The following L3MBTL4 variants were observed in gnomAD, a reference collection of about 807,000 sequenced individuals.
The protein encoded by L3MBTL4 is lethal(3)malignant brain tumor-like protein 4.
L3MBTL4 carries 70 observed loss-of-function variants against 84.5 expected under a neutral mutation model. The ratio of observed to expected loss-of-function variants is 0.83; its 90% CI spans 0.68 to 1.01. The LOEUF (loss-of-function observed/expected upper bound fraction) is 1.01, where lower values mean the gene tolerates loss of function less well. Ranked by LOEUF, L3MBTL4 falls within the 50% of genes least tolerant of loss-of-function variation. L3MBTL4 has a pLI of 0.00. For missense variants in L3MBTL4, 715 were observed against 754.8 expected (o/e 0.95, Z 0.62); for synonymous variants, 274 against 259.8 (o/e 1.05, Z -0.52).
At chr18:6,372,327 T>C (rs2054189646) in intron 1 of L3MBTL4, among the ~76,000 whole-genome samples, 1 of 152,216 alleles carries the variant, frequency 6.6e-6, no homozygotes, top group African/African-American at 2.4e-5. Context: ...GACATAAATA[T>C]GCCGATGCTG....
chr18:6,070,452 A>G (rs1275298341), intron 16 of L3MBTL4, among the ~76,000 whole-genome samples: 1 of 152,016 alleles, frequency 6.6e-6, no homozygotes, highest in Non-Finnish European at 1.5e-5. Flanking sequence ...ATAACCTGTA[A>G]AAATATTCTT....
At chr18:6,015,149 G>A (rs570887764) in intron 16 of L3MBTL4, among the ~76,000 whole-genome samples, 1 of 152,158 alleles carries the variant, frequency 6.6e-6, no homozygotes, top group African/African-American at 2.4e-5. Flanking sequence ...TGAAGACACA[G>A]GTAGATTTCA....
chr18:6,172,015 A>G, intron 12 of L3MBTL4, 73 bp from the exon 13 acceptor site: 1 of 683,958 alleles, frequency 1.5e-6, no homozygotes, highest in Non-Finnish European at 2.5e-6. Flanking sequence ...AAATATTTGA[A>G]TACAGATGTC....
In L3MBTL4 at chr18:6,327,022, G is replaced by A. The variant is rs190958310; in HGVS notation, c.-90-14966C>T. Among the ~76,000 whole-genome samples, 59 of 152,226 alleles carry A rather than the reference G, an allele frequency of 3.9e-4. 1 individual carries two copies. The East Asian group carries it at 7.9e-3, about 20-fold the overall frequency. On this transcript the variant is annotated intron_variant, in intron 1 of 18. Coordinates refer to ENST00000317931, the MANE Select transcript of L3MBTL4 (RefSeq NM_001330559.2). Reference sequence around the variant, plus strand: ...AGAAAAAGGAAAAATAATAAACACAGGAAAAGAAACGCACTATTACTAGAA... The same window carrying A: ...AGAAAAAGGAAAAATAATAAACACAAGAAAAGAAACGCACTATTACTAGAA...
chr18:6,317,937 G>C (rs946939278), intron 1 of L3MBTL4, among the ~76,000 whole-genome samples: 1 of 152,096 alleles, frequency 6.6e-6, no homozygotes, highest in Admixed American at 6.5e-5. Context: ...AGAAGGAATT[G>C]GGATTTTATT....
chr18:6,271,058 A>G (rs964585949), intron 4 of L3MBTL4, among the ~76,000 whole-genome samples: 4 of 152,114 alleles, frequency 2.6e-5, no homozygotes, highest in Admixed American at 2.6e-4. Flanking sequence ...GCATGAGGGG[A>G]ACGGTGAAAT....
chr18:6,200,810 A>G (rs1308532845), intron 12 of L3MBTL4, among the ~76,000 whole-genome samples: 1 of 152,236 alleles, frequency 6.6e-6, no homozygotes, highest in Non-Finnish European at 1.5e-5. Context: ...CAATGAATTC[A>G]ATTTTCTATG....
At chr18:6,033,593 C>T (rs1194814232) in intron 16 of L3MBTL4, among the ~76,000 whole-genome samples, 3 of 152,168 alleles carry the variant, frequency 2.0e-5, no homozygotes, top group African/African-American at 7.2e-5. Context: ...GATTACATTT[C>T]TTGTAATTAC....
intron 13 of L3MBTL4, among the ~76,000 whole-genome samples, chr18:6,142,236 C>T (rs1220936441): frequency 6.6e-6 from 1 of 152,174 alleles, no homozygotes; most frequent in Non-Finnish European, 1.5e-5. Flanking sequence ...ACTGTGTCAC[C>T]AGTATCTAGC....
At chr18:6,069,095 T>C (rs750880183) in intron 16 of L3MBTL4, among the ~76,000 whole-genome samples, 5 of 152,206 alleles carry the variant, frequency 3.3e-5, no homozygotes, top group Non-Finnish European at 5.9e-5. Context: ...ACCAGCACCA[T>C]CTTTGATGGA....
intron 14 of L3MBTL4, among the ~76,000 whole-genome samples, chr18:6,124,839 A>T (rs9956439): frequency 0.016 from 2,398 of 152,280 alleles, 70 homozygotes; most frequent in African/African-American, 0.055. Flanking sequence ...GATTGAAAAA[A>T]TTGTTTGTGT....
chr18:6,296,470 T>C (rs758557196), intron 4 of L3MBTL4, among the ~76,000 whole-genome samples: 11 of 152,222 alleles, frequency 7.2e-5, no homozygotes, highest in African/African-American at 2.7e-4. Flanking sequence ...TGCCCTAGGA[T>C]ATGCTGAGAA....
At chr18:6,370,004 C>T (rs756738347) in intron 1 of L3MBTL4, among the ~76,000 whole-genome samples, 5 of 151,860 alleles carry the variant, frequency 3.3e-5, no homozygotes, top group Non-Finnish European at 4.4e-5. Context: ...CATGGTGGCA[C>T]GTGCCTGTAG....
At chr18:6,288,884 A>G (rs2049715887) in intron 4 of L3MBTL4, among the ~76,000 whole-genome samples, 1 of 151,672 alleles carries the variant, frequency 6.6e-6, no homozygotes, top group Non-Finnish European at 1.5e-5. Context: ...TAAATAATAA[A>G]TCATTAAGTT....
At chr18:6,188,154 G>T (rs928605552) in intron 12 of L3MBTL4, among the ~76,000 whole-genome samples, 7 of 151,966 alleles carry the variant, frequency 4.6e-5, no homozygotes, top group Non-Finnish European at 1.5e-5. Flanking sequence ...AATCTGAAAT[G>T]AGAAACTATT....
At chr18:6,252,425 A>C (rs1456639026) in intron 5 of L3MBTL4, among the ~76,000 whole-genome samples, 1 of 129,268 alleles carries the variant, frequency 7.7e-6, no homozygotes, top group Non-Finnish European at 1.5e-5. Context: ...ATTTTTTATC[A>C]AAAAAAACAC....
chr18:6,303,810 C>G (rs1241725601), intron 3 of L3MBTL4, among the ~76,000 whole-genome samples: 2 of 152,026 alleles, frequency 1.3e-5, no homozygotes, highest in African/African-American at 2.4e-5. Flanking sequence ...GTCAGGAGTT[C>G]GAGACCAGCC....
chr18:6,361,583 T>A (rs1416522315), intron 1 of L3MBTL4, among the ~76,000 whole-genome samples: 2 of 152,144 alleles, frequency 1.3e-5, no homozygotes, highest in African/African-American at 4.8e-5. Context: ...CTGGAAATTG[T>A]TGGCAGAACC....
At chr18:6,127,627 G>A (rs1428052149) in intron 14 of L3MBTL4, among the ~76,000 whole-genome samples, 6 of 152,170 alleles carry the variant, frequency 3.9e-5, no homozygotes, top group African/African-American at 1.4e-4. Flanking sequence ...AAAAGACAAA[G>A]CACGATGCTG....
Sources: gnomAD v4.1 joint callset for allele counts (sites outside exome capture counted in the v4.1 genomes callset) on GRCh38, gnomAD v4.1.1 for gene constraint, MANE v1.5 for transcripts, NCBI Gene and HGNC (gene_info 2026-07-23, HGNC 2026-07-21) for gene names.